FAM240C: variants seen among roughly 807,000 people sequenced by gnomAD.
The protein encoded by FAM240C is protein FAM240C.
In FAM240C, 14 loss-of-function variants were observed where a neutral mutation model predicts 10.0. That is an observed-to-expected ratio of 1.40 (90% CI 0.92 to 2.19). The LOEUF (loss-of-function observed/expected upper bound fraction) is 2.19, where lower values mean the gene tolerates loss of function less well. Among genes scored for constraint, FAM240C ranks in the 30% most tolerant of loss-of-function variants. The probability of loss-of-function intolerance (pLI) is 0.00; values close to 1 mark genes in which losing one functional copy is unlikely to be tolerated. For missense variants in FAM240C, 154 were observed against 122.3 expected, an observed-to-expected ratio of 1.26 and a Z score of -1.22; for synonymous variants, 49 against 44.3, an observed-to-expected ratio of 1.11 and a Z score of -0.42.
chr2:241,895,407 C>T (rs937671319), intron 2 of FAM240C, among the ~76,000 whole-genome samples: 2 of 152,230 alleles, frequency 1.3e-5, no homozygotes, highest in Non-Finnish European at 2.9e-5. Flanking sequence ...AGCAGCGGCC[C>T]CTGTCCCTTT....
At chr2:241,899,196 G>A in intron 1 of FAM240C, 2 of 1,304,102 alleles carry the variant, frequency 1.5e-6, no homozygotes, top group Non-Finnish European at 2.0e-6. Context: ...CTCCTTCGAG[G>A]AGCTTGATGT....
chr2:241,901,258 C>T (rs1052092689), upstream of FAM240C, among the ~76,000 whole-genome samples: 57 of 152,142 alleles, frequency 3.7e-4, no homozygotes, highest in African/African-American at 1.4e-3. This position sits in a 1 kb window ranked among gnomAD's most constrained non-coding sequence, Gnocchi z 4.9. Context: ...TTGTCCTGGA[C>T]GGGGTTCCTC....
chr2:241,899,238 G>A (rs1701926359), intron 1 of FAM240C: 1 of 1,302,834 alleles, frequency 7.7e-7, no homozygotes, highest in Admixed American at 2.3e-5. Context: ...AGCTGCAGAG[G>A]CGCGGGCGCT....
At chr2:241,901,229 A>C (rs924942607), upstream of FAM240C, among the ~76,000 whole-genome samples, 3 of 152,152 alleles carry the variant, frequency 2.0e-5, no homozygotes, top group Non-Finnish European at 4.4e-5. This position sits in a 1 kb window ranked among gnomAD's most constrained non-coding sequence, Gnocchi z 4.9. Context: ...GTAGATGCAC[A>C]AAGTGAAGCC....
intron 2 of FAM240C, among the ~76,000 whole-genome samples, chr2:241,896,496 GGGTGAAGGGGGTGT>G: frequency 3.0e-5 from 2 of 66,908 alleles, no homozygotes; most frequent in African/African-American, 4.6e-5. Context: ...AAGGGGGTGT[GGGTGAAGGGGGTGT>G]GGGTGTTGGG....
chr2:241,896,501 AAGGG>A (rs1701809460), intron 2 of FAM240C, among the ~76,000 whole-genome samples: 1 of 10,346 alleles, frequency 9.7e-5, no homozygotes, highest in African/African-American at 1.7e-4. Flanking sequence ...GGTGTGGGTG[AAGGG>A]GGTGTGGGTG....
intron 1 of FAM240C, chr2:241,899,139 G>T (rs760464277): frequency 7.7e-7 from 1 of 1,304,270 alleles, no homozygotes; most frequent in Non-Finnish European, 1.0e-6. Flanking sequence ...GAGGGTAAGG[G>T]TGCCTTCTGG....
At chr2:241,898,258 A>G (rs1381352623) in intron 1 of FAM240C, among the ~76,000 whole-genome samples, 1 of 152,230 alleles carries the variant, frequency 6.6e-6, no homozygotes, top group Non-Finnish European at 1.5e-5. Flanking sequence ...ACAGCCATCA[A>G]GAATGTCCAA....
intron 1 of FAM240C, among the ~76,000 whole-genome samples, chr2:241,898,565 C>T (rs1203910787): frequency 6.6e-6 from 1 of 151,766 alleles, no homozygotes; most frequent in Non-Finnish European, 1.5e-5. Flanking sequence ...AACAAACAAA[C>T]AAACAAAAAA....
intron 2 of FAM240C, among the ~76,000 whole-genome samples, chr2:241,896,627 G>A (rs1701820001): frequency 9.7e-6 from 1 of 103,014 alleles, no homozygotes; most frequent in Non-Finnish European, 2.1e-5. Context: ...GGGTGTGGGT[G>A]TTGGGGTGTG....
intron 1 of FAM240C, chr2:241,899,271 A>T (rs967212307): frequency 1.6e-6 from 2 of 1,281,496 alleles, no homozygotes; most frequent in Non-Finnish European, 2.0e-6. Context: ...GCCTGTTGTG[A>T]TGTGGGTGCT....
At chr2:241,897,434 T>A in intron 1 of FAM240C, 100 bp from the exon 2 acceptor site, 1 of 1,386,334 alleles carries the variant, frequency 7.2e-7, no homozygotes, top group Non-Finnish European at 9.8e-7. Flanking sequence ...TGGCTCAGCC[T>A]GCAGCATCGT....
chr2:241,895,764 A>T (rs1330259839), intron 2 of FAM240C, among the ~76,000 whole-genome samples: 1 of 152,158 alleles, frequency 6.6e-6, no homozygotes, highest in African/African-American at 2.4e-5. Context: ...GGGGCCAGAG[A>T]AGGCAGCGTG....
Position 241,894,188 on chromosome 2 carries a change from T to C in FAM240C, c.*25A>G. 1 of 1,544,178 alleles carries C rather than the reference T, an allele frequency of 6.5e-7. No homozygotes were observed. On this transcript the variant is annotated 3_prime_UTR_variant, in exon 3 of 3. Coordinates refer to ENST00000404031, the MANE Select transcript of FAM240C (RefSeq NM_001382368.1). ...TTCTCCATGACCCTCCGGAAGCTCATGCAGAGTCTGGAGCTCGTGGGCCCT... is the reference window on the plus strand; with the variant it reads ...TTCTCCATGACCCTCCGGAAGCTCACGCAGAGTCTGGAGCTCGTGGGCCCT...
intron 1 of FAM240C, 29 bp from the exon 2 acceptor site, chr2:241,897,363 A>G: frequency 6.5e-7 from 1 of 1,547,840 alleles, no homozygotes; most frequent in Non-Finnish European, 8.7e-7. Context: ...AGAAGAGCTC[A>G]GTCACCTTAT....
chr2:241,896,810 T>G (rs371590630), intron 2 of FAM240C, among the ~76,000 whole-genome samples: 104 of 1,974 alleles, frequency 0.053, 5 homozygotes, highest in South Asian at 0.094. Flanking sequence ...GGGGTGTGGG[T>G]GTGTGGGTGT....
At chr2:241,896,514 T>G (rs1701810827) in intron 2 of FAM240C, among the ~76,000 whole-genome samples, 10 of 136,690 alleles carry the variant, frequency 7.3e-5, no homozygotes, top group South Asian at 4.6e-4. Flanking sequence ...GGGGTGTGGG[T>G]GTTGGGGTGT....
rs780265692 is a variant in FAM240C at position 241,897,287 on chromosome 2, G to A, written c.60C>T (p.Tyr20=). The change falls in exon 2 of 3, where the codon TAC becomes TAT. Residue 20 remains tyrosine, a synonymous_variant. Coordinates refer to ENST00000404031, the MANE Select transcript of FAM240C (RefSeq NM_001382368.1). ...LTLKNPGRVA[Y]DSGGIKMFWE... ...AAAACATCTTTATCCCGCCTGAATCGTATGCTACTCTTCCAGGATTCTTAA... is the reference window on the plus strand; with the variant it reads ...AAAACATCTTTATCCCGCCTGAATCATATGCTACTCTTCCAGGATTCTTAA... 28 of 1,549,650 alleles carry A rather than the reference G, an allele frequency of 1.8e-5. No homozygotes were observed. The African/African-American group carries it at 2.1e-4, about 11-fold the overall frequency.
rs757755715 is a variant in FAM240C at position 241,900,361 on chromosome 2, T to C, written c.9A>G (p.Gly3=). The C allele has an allele frequency of 2.5e-4, 176 of 717,120 alleles. 1 individual carries two copies. The highest frequency in any genetic ancestry group is 2.3e-4 in the Middle Eastern group (1 of 4,390). The allele number at this position is 717,120 out of a possible 1,614,324, so 44.4% of individuals were successfully genotyped here. Residue 3 remains glycine (G), a synonymous_variant, in exon 1 of 3, where the codon GGA becomes GGG. Transcript: ENST00000404031. This position sits in a 1 kb window ranked among gnomAD's most constrained non-coding sequence, Gnocchi z 4.5. MV[G]KNMSKSLTLK... ...TGTCACATCACAGAGAGCTTACTTT[T>C]CCAACCATTTCTCAGTGACGGGCAG...
Sources: gnomAD v4.1 joint callset for allele counts (sites outside exome capture counted in the v4.1 genomes callset) on GRCh38, gnomAD v4.1.1 for gene constraint, Gnocchi (gnomAD v3.1) non-coding constraint, MANE v1.5 for transcripts, NCBI Gene and HGNC (gene_info 2026-07-23, HGNC 2026-07-21) for gene names.